The following TARS1 variants were observed in gnomAD, a reference collection of about 807,000 sequenced individuals.
TARS1 encodes the protein threonine--tRNA ligase 1, cytoplasmic.
TARS1 carries 57 observed loss-of-function variants against 97.7 expected under a neutral mutation model. The observed-to-expected ratio is 0.58, with a 90% CI of 0.47 to 0.73. The LOEUF (loss-of-function observed/expected upper bound fraction) is 0.73. Among genes scored for constraint, TARS1 ranks in the 30% least tolerant of loss-of-function variants. TARS1 has a pLI of 0.00. For synonymous variants in TARS1, 312 were observed against 293.7 expected, an observed-to-expected ratio of 1.06 and a Z score of -0.64; for missense variants, 806 against 888.3, an observed-to-expected ratio of 0.91 and a Z score of 1.18.
At chr5:33,459,602 TGA>T in intron 10 of TARS1, 91 bp from the exon 11 acceptor site, 3 of 1,416,664 alleles carry the variant, frequency 2.1e-6, no homozygotes, top group Non-Finnish European at 2.9e-6. Context: ...ATCTTTTTCA[TGA>T]GAGAGTATAA....
intron 16 of TARS1, 105 bp downstream of exon 16, chr5:33,462,308 C>A: frequency 1.9e-6 from 2 of 1,059,490 alleles, no homozygotes. Context: ...TGATTCCAAT[C>A]GGTTGCTTCT....
intron 17 of TARS1, among the ~76,000 whole-genome samples, chr5:33,465,051 G>A (rs373385808): frequency 9.9e-5 from 15 of 152,150 alleles, no homozygotes; most frequent in African/African-American, 3.6e-4. Flanking sequence ...GGGTGACAGA[G>A]CAAGACTCCA....
intron 1 of TARS1, chr5:33,441,356 G>A (rs1741086670): frequency 1.7e-6 from 1 of 584,754 alleles, no homozygotes; most frequent in Non-Finnish European, 3.0e-6. Flanking sequence ...TCATCTGTGG[G>A]TCCATTCTCT....
At chr5:33,459,620 CTCTT>C in intron 10 of TARS1, 71 bp from the exon 11 acceptor site, 1 of 1,530,916 alleles carries the variant, frequency 6.5e-7, no homozygotes, top group Non-Finnish European at 9.0e-7. Flanking sequence ...TATAAAATCA[CTCTT>C]TAAGTTTTTA....
At position 33,467,872 on chromosome 5, in the gene TARS1, T is replaced by C. The variant is rs1438819870; in HGVS notation, c.*164T>C. The C allele has an allele frequency of 3.2e-6, 2 of 634,034 alleles. No individual in the cohort carries two copies. Among genetic ancestry groups the C allele is most frequent in the Non-Finnish European group, 5.1e-6 (2 of 395,730 alleles). 39.3% of individuals were successfully genotyped at this position (634,034 alleles called of 1,614,324 possible). ...AACTATTTTTGACCTAGTCAGTTTT[T>C]AAACAATGTGCATTTGAAGGAGTTA... is the stretch of plus-strand genomic sequence containing the variant. On this transcript the variant is annotated 3_prime_UTR_variant, in exon 19 of 19. Transcript: ENST00000265112.
chr5:33,455,279 G>A (rs867043200), intron 5 of TARS1, among the ~76,000 whole-genome samples: 7 of 152,126 alleles, frequency 4.6e-5, no homozygotes, highest in Admixed American at 1.3e-4. Context: ...AGAGTCCTAA[G>A]GTATTTTGGG....
intron 17 of TARS1, among the ~76,000 whole-genome samples, chr5:33,464,865 C>T (rs1056476213): frequency 4.6e-5 from 7 of 151,726 alleles, no homozygotes; most frequent in African/African-American, 1.7e-4. Context: ...ATCACGAGGT[C>T]AGGAGATCAA....
intron 1 of TARS1, among the ~76,000 whole-genome samples, chr5:33,443,787 G>C (rs953129932): frequency 1.1e-4 from 16 of 152,010 alleles, no homozygotes; most frequent in Non-Finnish European, 1.9e-4. Flanking sequence ...GAGCCACCGC[G>C]CCCAGCCGCA....
chr5:33,463,662 A>G, intron 16 of TARS1, 91 bp from the exon 17 acceptor site: 3 of 1,131,314 alleles, frequency 2.7e-6, no homozygotes, highest in South Asian at 1.5e-5. Flanking sequence ...TGTTCCAGGA[A>G]AAGATACTGA....
chr5:33,454,058 A>G (rs1272036690), intron 4 of TARS1, among the ~76,000 whole-genome samples: 5 of 152,306 alleles, frequency 3.3e-5, no homozygotes, highest in African/African-American at 1.2e-4. Context: ...TGTACATTTG[A>G]CAAATAAATT....
chr5:33,457,433 C>A, intron 9 of TARS1, 30 bp downstream of exon 9: 2 of 1,588,034 alleles, frequency 1.3e-6, no homozygotes, highest in South Asian at 2.3e-5. Flanking sequence ...TGTGTCTTGA[C>A]TGAGTTTTCT....
chr5:33,459,372 A>T (rs1486031766), intron 10 of TARS1, among the ~76,000 whole-genome samples: 8 of 152,232 alleles, frequency 5.3e-5, no homozygotes, highest in Admixed American at 5.2e-4. Flanking sequence ...TTTTAGAGAC[A>T]TGCAAATCAA....
chr5:33,457,157 T>A (rs1253735101), intron 8 of TARS1, 100 bp from the exon 9 acceptor site: 1 of 1,381,672 alleles, frequency 7.2e-7, no homozygotes, highest in Non-Finnish European at 9.9e-7. Context: ...TGCTGCAGAA[T>A]GAGTAACTAC....
At chr5:33,444,010 A>G (rs1343487545) in intron 1 of TARS1, among the ~76,000 whole-genome samples, 1 of 152,208 alleles carries the variant, frequency 6.6e-6, no homozygotes, top group Non-Finnish European at 1.5e-5. Context: ...TTAAAAGACA[A>G]TGGCCAAAAT....
chr5:33,456,350 C>G (rs919933658), intron 8 of TARS1, 123 bp downstream of exon 8: 1 of 775,098 alleles, frequency 1.3e-6, no homozygotes, highest in Non-Finnish European at 2.1e-6. Context: ...TTCTCATGCT[C>G]TCTATTAACT....
rs148388651 is a variant in TARS1, at chr5:33,461,754, A to G, written c.1629+10A>G. 4,089 of 1,611,486 alleles carry G rather than the reference A, an allele frequency of 2.5e-3. 7 individuals are homozygous for G. Among genetic ancestry groups the G allele is most frequent in the Non-Finnish European group, 2.8e-3 (3,258 of 1,178,146 alleles). On this transcript the variant is annotated intron_variant, in intron 14 of 18. Coordinates refer to ENST00000265112, the MANE Select transcript of TARS1 (RefSeq NM_152295.5). ...TTTCTATGGCCCAAAGGTGAGCACT[A>G]AAGTACATTTGGGTAATATGATTTT...
chr5:33,453,250 A>G (rs780440188), intron 3 of TARS1, 39 bp from the exon 4 acceptor site: 20 of 1,533,452 alleles, frequency 1.3e-5, no homozygotes, highest in Non-Finnish European at 1.6e-5. Flanking sequence ...GTGTGTACTT[A>G]TATATGTGTG....
chr5:33,457,230 T>A (rs754564969), intron 8 of TARS1, 27 bp from the exon 9 acceptor site: 1 of 1,603,370 alleles, frequency 6.2e-7, no homozygotes, highest in Non-Finnish European at 8.5e-7. Context: ...ATTTGAATGT[T>A]GTTTCATGGT....
chr5:33,441,315 C>T lies in TARS1; in HGVS notation c.57+172C>T, dbSNP rs1402658950. On this transcript the variant is annotated intron_variant, in intron 1 of 18. Coordinates refer to ENST00000265112, the MANE Select transcript of TARS1 (RefSeq NM_152295.5). ...AGTCGGAACCCCCTTTGGGAACCAT[C>T]CATTCATAAATTAGGGTGGGGCCTT... The T allele has an allele frequency of 1.2e-5, 8 of 682,564 alleles. No homozygotes were observed. The Admixed American group carries it at 1.6e-4, about 14-fold the overall frequency. The allele number at this position is 682,564 out of a possible 1,614,324, so 42.3% of individuals were successfully genotyped here. A position where few individuals can be genotyped will look rare whatever the true frequency, so the allele number is the denominator to read the frequency against.
Sources: allele counts gnomAD v4.1 joint callset (sites outside exome capture counted in the v4.1 genomes callset), GRCh38; gene constraint gnomAD v4.1.1; transcripts MANE v1.5; gene names NCBI Gene and HGNC (gene_info 2026-07-23, HGNC 2026-07-21).